The following ABCC9 variants were observed in gnomAD, a reference collection of about 807,000 sequenced individuals.
ABCC9 encodes ATP-binding cassette sub-family C member 9.
A neutral mutation model predicts 188.3 loss-of-function variants in ABCC9; 95 were observed. That is an observed-to-expected ratio of 0.50 (90% CI 0.43 to 0.60). ABCC9 has a LOEUF of 0.60. Among genes scored for constraint, ABCC9 ranks in the 20% least tolerant of loss-of-function variants. The probability of loss-of-function intolerance (pLI) is 0.00; values close to 1 mark genes in which losing one functional copy is unlikely to be tolerated. For synonymous variants in ABCC9, 659 were observed against 652.7 expected (o/e 1.01, Z -0.15); for missense variants, 1,102 against 1,876.3 (o/e 0.59, Z 7.62).
intron 34 of ABCC9, among the ~76,000 whole-genome samples, chr12:21,815,049 G>T (rs1246097935): frequency 6.6e-6 from 1 of 152,036 alleles, no homozygotes; most frequent in Admixed American, 6.6e-5. Context: ...TGGATGTGGT[G>T]GTGTGTGCCT....
At chr12:21,811,951 A>G (rs1014733560) in intron 36 of ABCC9, 98 bp downstream of exon 36, 3 of 830,924 alleles carry the variant, frequency 3.6e-6, no homozygotes, top group East Asian at 2.5e-5. Flanking sequence ...CCTTGATATC[A>G]GTTCACTCAT....
At chr12:21,883,258 G>A (rs1341762170) in intron 15 of ABCC9, among the ~76,000 whole-genome samples, 3 of 152,206 alleles carry the variant, frequency 2.0e-5, no homozygotes, top group Non-Finnish European at 4.4e-5. Context: ...CATCTGTTAG[G>A]CTATGATATG....
rs376606323 is a variant in ABCC9, at chr12:21,808,855, A to G, written c.4315+997T>C. Reference sequence around the variant, plus strand: ...GTTCTGGAATTATTTTCACAACCTGACCCTGGCAAGTCAATAAAACATTCC... The same window carrying G: ...GTTCTGGAATTATTTTCACAACCTGGCCCTGGCAAGTCAATAAAACATTCC... On this transcript the variant is annotated intron_variant, in intron 37 of 39. Transcript: ENST00000261200. 4.0e-5 allele frequency among the ~76,000 whole-genome samples: 6 copies of G among 151,834 alleles called. No homozygotes were observed. In the South Asian group the frequency reaches 1.2e-3, roughly 32 times the overall value.
chr12:21,841,136 G>A (rs901480994), intron 29 of ABCC9, among the ~76,000 whole-genome samples: 2 of 152,194 alleles, frequency 1.3e-5, no homozygotes, highest in African/African-American at 4.8e-5. Flanking sequence ...GTGACACAAT[G>A]AGTGCTTAGT....
In ABCC9 at chr12:21,829,036, A is replaced by G. The variant is rs1303354887; in HGVS notation, c.3591T>C (p.Arg1197=). 6.2e-7 allele frequency: 1 copy of G among 1,614,072 alleles called. No homozygotes were observed. Among genetic ancestry groups the G allele is most frequent in the Non-Finnish European group, 8.5e-7 (1 of 1,179,962 alleles). The change falls in exon 31 of 40, where the codon CGT becomes CGC. Residue 1197 remains arginine (R), a synonymous_variant. Coordinates refer to ENST00000261200, the MANE Select transcript of ABCC9 (RefSeq NM_020297.4). ...TGTTTGTATCCGTCAGTTCCAGCAT[A>G]CGTTGTTTAAATCTGGTTTCATGCC... ...AFRHETRFKQ[R]MLELTDTNNI...
intron 14 of ABCC9, among the ~76,000 whole-genome samples, chr12:21,891,052 G>A (rs1433419820): frequency 2.6e-5 from 4 of 151,906 alleles, no homozygotes; most frequent in Non-Finnish European, 5.9e-5. Flanking sequence ...TGGCCATTAT[G>A]GGCCATAGCA....
chr12:21,869,917 A>G (rs1203941208), intron 18 of ABCC9, among the ~76,000 whole-genome samples: 1 of 152,182 alleles, frequency 6.6e-6, no homozygotes, highest in Non-Finnish European at 1.5e-5. Flanking sequence ...TGTATTCCAT[A>G]CTAAACATGG....
rs375518536 is a variant in ABCC9, at chr12:21,888,024, T to C, written c.1803-90A>G. 6.9e-4 allele frequency: 650 copies of C among 944,324 alleles called. 6 individuals are homozygous for C. The South Asian group carries it at 8.1e-3, about 12-fold the overall frequency. 58.5% of individuals were successfully genotyped at this position (944,324 alleles called of 1,614,324 possible). A position where few individuals can be genotyped will look rare whatever the true frequency, so the allele number is the denominator to read the frequency against. On this transcript the variant is annotated intron_variant, in intron 14 of 39. Coordinates refer to ENST00000261200, the MANE Select transcript of ABCC9 (RefSeq NM_020297.4). The stretch of plus-strand genomic sequence containing the variant: ...TAAATAACGACTTTAACACACAGTA[T>C]TATGGTGAGTAGGATGCCTGTGAGA...
intron 16 of ABCC9, 113 bp from the exon 17 acceptor site, chr12:21,875,839 C>G (rs1946314325): frequency 1.3e-6 from 1 of 764,324 alleles, no homozygotes; most frequent in African/African-American, 1.8e-5. Flanking sequence ...AATCACAGCA[C>G]TTTGGGAGAC....
intron 39 of ABCC9, among the ~76,000 whole-genome samples, chr12:21,804,345 C>G (rs1297979198): frequency 6.6e-6 from 1 of 152,154 alleles, no homozygotes; most frequent in Non-Finnish European, 1.5e-5. Flanking sequence ...CAACGCCATG[C>G]TTCATGCAGA....
intron 7 of ABCC9, 75 bp from the exon 8 acceptor site, chr12:21,913,141 A>G: frequency 3.0e-6 from 4 of 1,320,070 alleles, no homozygotes; most frequent in Admixed American, 2.2e-5. Flanking sequence ...AATCTCATGT[A>G]TGGAAATTCC....
At chr12:21,922,106 GT>G (rs1200482311) in intron 5 of ABCC9, among the ~76,000 whole-genome samples, 1 of 151,930 alleles carries the variant, frequency 6.6e-6, no homozygotes, top group Admixed American at 6.6e-5. Context: ...TGTGAAAAAT[GT>G]CATTGGTATT....
chr12:21,925,667 T>C, intron 5 of ABCC9: 1 of 630,146 alleles, frequency 1.6e-6, no homozygotes, highest in South Asian at 1.8e-5. Flanking sequence ...CCATATTTCC[T>C]CCACTTTCTT....
intron 35 of ABCC9, among the ~76,000 whole-genome samples, chr12:21,812,932 A>G (rs1565688598): frequency 6.6e-6 from 1 of 152,090 alleles, no homozygotes; most frequent in Admixed American, 6.6e-5. Context: ...GGGAATTCAG[A>G]GTTTTTATTC....
chr12:21,931,637 AC>A (rs1179037146), intron 4 of ABCC9, among the ~76,000 whole-genome samples: 1 of 152,152 alleles, frequency 6.6e-6, no homozygotes, highest in Non-Finnish European at 1.5e-5. Flanking sequence ...CTACATATCA[AC>A]CAGAGGAGTC....
At chr12:21,907,245 G>A (rs1948088136) in intron 11 of ABCC9, among the ~76,000 whole-genome samples, 1 of 151,990 alleles carries the variant, frequency 6.6e-6, no homozygotes, top group South Asian at 2.1e-4. Flanking sequence ...GTGTGCTGGA[G>A]TAAAAAGGAT....
At chr12:21,910,626 A>T (rs1371333290) in intron 9 of ABCC9, among the ~76,000 whole-genome samples, 200 bp downstream of exon 9, 1 of 151,980 alleles carries the variant, frequency 6.6e-6, no homozygotes, top group Non-Finnish European at 1.5e-5. Context: ...TTTTCTTAAC[A>T]TTATTTGAAA....
At chr12:21,905,854 GT>G (rs1948016322) in intron 12 of ABCC9, among the ~76,000 whole-genome samples, 1 of 152,076 alleles carries the variant, frequency 6.6e-6, no homozygotes, top group Non-Finnish European at 1.5e-5. Flanking sequence ...AACGATTTCA[GT>G]TTGTAGAGTA....
chr12:21,881,686 C>T (rs7301876), intron 16 of ABCC9, among the ~76,000 whole-genome samples: 51,786 of 148,682 alleles, frequency 0.35, 9,065 homozygotes, highest in Admixed American at 0.39. Flanking sequence ...ACTGCCTGAA[C>T]ATTATAATCG....
Sources: gnomAD v4.1 joint callset for allele counts (sites outside exome capture counted in the v4.1 genomes callset) on GRCh38, gnomAD v4.1.1 for gene constraint, MANE v1.5 for transcripts, NCBI Gene and HGNC (gene_info 2026-07-23, HGNC 2026-07-21) for gene names.